The following TMED8 variants were observed in gnomAD, a reference collection of about 807,000 sequenced individuals.
The protein encoded by TMED8 is transmembrane p24 trafficking protein family member 8, also known as protein TMED8.
In TMED8, 15 loss-of-function variants were observed where a neutral mutation model predicts 32.7. The observed-to-expected ratio is 0.46, with a 90% CI of 0.31 to 0.71. The LOEUF (loss-of-function observed/expected upper bound fraction) is 0.71, where lower values mean the gene tolerates loss of function less well. Among genes scored for constraint, TMED8 ranks in the 30% least tolerant of loss-of-function variants. The pLI is 0.06. For missense variants in TMED8, 390 were observed against 423.9 expected (o/e 0.92, Z 0.70); for synonymous variants, 147 against 161.4 (o/e 0.91, Z 0.68).
rs576569154 is a variant in TMED8, at chr14:77,335,489, T to C, written c.*6282A>G. 13 of 152,376 alleles carry C rather than the reference T, an allele frequency of 8.5e-5. No homozygotes were observed. Among genetic ancestry groups the C allele is most frequent in the Admixed American group, 2.6e-4 (4 of 15,304 alleles). 9.4% of individuals were successfully genotyped at this position (152,376 alleles called of 1,614,324 possible). ...TAATGTCTTTGTAGTTGCCAATTGC[T>C]TAAATCTTTACGAAGAAAACATGAT... On this transcript the variant is annotated 3_prime_UTR_variant, in exon 6 of 6. Transcript: ENST00000216468.
At chr14:77,358,418 C>A (rs568463661) in intron 1 of TMED8, among the ~76,000 whole-genome samples, 1 of 151,970 alleles carries the variant, frequency 6.6e-6, no homozygotes, top group Non-Finnish European at 1.5e-5. Context: ...TCTGCCTTAG[C>A]CTCCTGAGTA....
chr14:77,359,804 G>A lies in TMED8; in HGVS notation c.119-8053C>T, dbSNP rs1039289963. On this transcript the variant is annotated intron_variant, in intron 1 of 5. Transcript: ENST00000216468. ...ATTTCAAATGTAATTCACATTCTGT[G>A]GTACAGGATGATATCATCATGGGCA... 16 of 218,292 alleles carry A rather than the reference G, an allele frequency of 7.3e-5. No individual in the cohort carries two copies. In the South Asian group the frequency reaches 7.5e-4, roughly 10 times the overall value. 13.5% of individuals were successfully genotyped at this position (218,292 alleles called of 1,614,324 possible). A position where few individuals can be genotyped will look rare whatever the true frequency, so the allele number is the denominator to read the frequency against.
chr14:77,347,072 A>G (rs1893064941), intron 2 of TMED8, among the ~76,000 whole-genome samples: 1 of 151,732 alleles, frequency 6.6e-6, no homozygotes. Flanking sequence ...ACATCTCCCC[A>G]TCCCACCCCC....
chr14:77,359,960 TC>T (rs1362406479), intron 1 of TMED8: 3 of 159,482 alleles, frequency 1.9e-5, no homozygotes, highest in African/African-American at 7.2e-5. Context: ...AAAGTGGCAT[TC>T]CAAGATTGGA....
At chr14:77,364,177 G>A (rs1893499465) in intron 1 of TMED8, among the ~76,000 whole-genome samples, 1 of 152,134 alleles carries the variant, frequency 6.6e-6, no homozygotes, top group African/African-American at 2.4e-5. Flanking sequence ...ATCTTTTAAT[G>A]CATTAGACCA....
chr14:77,350,313 C>G (rs1256818140), intron 2 of TMED8, among the ~76,000 whole-genome samples: 3 of 152,154 alleles, frequency 2.0e-5, no homozygotes, highest in African/African-American at 4.8e-5. Flanking sequence ...CCACTTCCCC[C>G]ACTAGAACAT....
Position 77,335,474 on chromosome 14 carries a change from G to T in TMED8, c.*6297C>A, listed in dbSNP as rs760834082. 1.3e-5 allele frequency: 2 copies of T among 152,204 alleles called. No homozygotes were observed. 9.4% of individuals were successfully genotyped at this position (152,204 alleles called of 1,614,324 possible). A position where few individuals can be genotyped will look rare whatever the true frequency, so the allele number is the denominator to read the frequency against. ...AGAACAGTAAGAAAATAATGTCTTT[G>T]TAGTTGCCAATTGCTTAAATCTTTA... On this transcript the variant is annotated 3_prime_UTR_variant, in exon 6 of 6. Transcript: ENST00000216468.
At chr14:77,364,139 T>C (rs750590231) in intron 1 of TMED8, among the ~76,000 whole-genome samples, 19 of 152,196 alleles carry the variant, frequency 1.2e-4, no homozygotes, top group Non-Finnish European at 2.4e-4. Context: ...TGAAGAATAG[T>C]ATATTAATTT....
At position 77,346,262 on chromosome 14, in the gene TMED8, G is replaced by A. The variant is rs1046987340; in HGVS notation, c.327+87C>T. 1.7e-5 allele frequency: 24 copies of A among 1,410,474 alleles called. No individual in the cohort carries two copies. The African/African-American group carries it at 1.8e-4, about 11-fold the overall frequency. The allele number at this position is 1,410,474 out of a possible 1,614,324, so 87.4% of individuals were successfully genotyped here. ...AGAGAGAATTCCGGGAGCCACCCTC[G>A]CAGTGCTTTCTAATTCCAACCCAAC... On this transcript the variant is annotated intron_variant, in intron 3 of 5. Transcript: ENST00000216468.
At chr14:77,358,140 A>G (rs1479777837) in intron 1 of TMED8, among the ~76,000 whole-genome samples, 4 of 150,962 alleles carry the variant, frequency 2.6e-5, no homozygotes, top group Non-Finnish European at 4.4e-5. Context: ...AAAAAAAAAA[A>G]AAAAGAAATT....
At chr14:77,368,764 C>G (rs1435791031) in intron 1 of TMED8, among the ~76,000 whole-genome samples, 2 of 152,152 alleles carry the variant, frequency 1.3e-5, no homozygotes, top group Admixed American at 1.3e-4. Context: ...CATGAGCCAC[C>G]AAGCCCAGTC....
intron 1 of TMED8, among the ~76,000 whole-genome samples, chr14:77,375,839 G>A (rs1893802132): frequency 6.6e-6 from 1 of 152,120 alleles, no homozygotes; most frequent in Admixed American, 6.5e-5. Context: ...GTGTACCATG[G>A]ACTATACCCC....
At chr14:77,364,004 C>T (rs1893495461) in intron 1 of TMED8, among the ~76,000 whole-genome samples, 1 of 152,136 alleles carries the variant, frequency 6.6e-6, no homozygotes, top group Non-Finnish European at 1.5e-5. Context: ...AATTTCTGAA[C>T]CAAATTCTCC....
chr14:77,343,414 A>C lies in TMED8; in HGVS notation c.524T>G (p.Leu175Arg), dbSNP rs370199713. ...FAKVKEFKSK[L>R]GKEKNSRLVV... is the part of the protein sequence containing the mutation. ...CAGACGGCTGTTCTTCTCTTTGCCC[A>C]GCTTGCTTTTGAATTCCTTCACCTT... Residue 175 changes from leucine to arginine, a missense_variant, in exon 5 of 6, where the codon CTG becomes CGG. Transcript: ENST00000216468. 1 of 1,613,964 alleles carries C rather than the reference A, an allele frequency of 6.2e-7. No homozygotes were observed. Among genetic ancestry groups the C allele is most frequent in the African/African-American group, 1.3e-5 (1 of 75,040 alleles).
At position 77,336,692 on chromosome 14, in the gene TMED8, TAA is replaced by T. The variant is rs1229318675; in HGVS notation, c.*5077_*5078del. On this transcript the variant is annotated 3_prime_UTR_variant, in exon 6 of 6. Transcript: ENST00000216468. Reference sequence around the variant, plus strand: ...TGTTTTCCCTCGTTGTGATCAATTTTAAAAGACAGTTCTCAAGCAGCACAAAA... The same window carrying T: ...TGTTTTCCCTCGTTGTGATCAATTTTAAGACAGTTCTCAAGCAGCACAAAA... 1 of 151,892 alleles carries T rather than the reference TAA, an allele frequency of 6.6e-6. No individual in the cohort carries two copies. The highest frequency in any genetic ancestry group is 2.4e-5 in the African/African-American group (1 of 41,348). 9.4% of individuals were successfully genotyped at this position (151,892 alleles called of 1,614,324 possible). A position where few individuals can be genotyped will look rare whatever the true frequency, so the allele number is the denominator to read the frequency against.
At position 77,343,805 on chromosome 14, in the gene TMED8, G is replaced by T. The variant is rs1326334260; in HGVS notation, c.346C>A (p.Pro116Thr). ...ATAACGATGTCCCCAGACCTCTGTG[G>T]AACTTGATACTTAGCCATCTGCACA... Reference protein sequence around the residue: ...VLNEMAKYQVPQRSGDIVMIQ... With the variant: ...VLNEMAKYQVTQRSGDIVMIQ... The change falls in exon 4 of 6, where the codon CCA becomes ACA. Residue 116 changes from proline (P) to threonine (T), a missense_variant. By Grantham distance (38) the Pro-to-Thr change is conservative. Coordinates refer to ENST00000216468, the MANE Select transcript of TMED8 (RefSeq NM_213601.3). The T allele has an allele frequency of 1.2e-6, 2 of 1,613,806 alleles. No homozygotes were observed. Among genetic ancestry groups the T allele is most frequent in the Non-Finnish European group, 1.7e-6 (2 of 1,179,844 alleles).
intron 1 of TMED8, among the ~76,000 whole-genome samples, chr14:77,352,417 AAAT>A (rs1428654222): frequency 1.4e-5 from 2 of 147,502 alleles, no homozygotes; most frequent in Non-Finnish European, 3.0e-5. Flanking sequence ...TCCGTCTCAA[AAAT>A]AATAATAATA....
Position 77,341,419 on chromosome 14 carries a change from G to A in TMED8, c.*352C>T, listed in dbSNP as rs772704851. ...TGGCAATAAGGGCTGTGGGAGAGGA[G>A]AGGGCAGCAATCTGAATGATAAACC... is the stretch of plus-strand genomic sequence containing the variant. On this transcript the variant is annotated 3_prime_UTR_variant, in exon 6 of 6. Transcript: ENST00000216468. 1.8e-5 allele frequency: 5 copies of A among 279,898 alleles called. No individual in the cohort carries two copies. Among genetic ancestry groups the A allele is most frequent in the Non-Finnish European group, 2.8e-5 (4 of 143,428 alleles). The allele number at this position is 279,898 out of a possible 1,614,324, so 17.3% of individuals were successfully genotyped here.
chr14:77,341,871 T>C lies in TMED8; in HGVS notation c.878A>G (p.His293Arg). 2 of 1,612,180 alleles carry C rather than the reference T, an allele frequency of 1.2e-6. No homozygotes were observed. Among genetic ancestry groups the C allele is most frequent in the South Asian group, 2.2e-5 (2 of 91,030 alleles). ...GTAGATGCCCTCACCAGGGTAGTCA[T>C]GGCTGCCAGCCTGCACGTCTCGGTG... ...DSHRDVQAGS[H>R]DYPGEGIYLL... The change falls in exon 6 of 6, where the codon CAT becomes CGT. Residue 293 changes from histidine (H) to arginine (R), a missense_variant. Transcript: ENST00000216468.
Sources: gnomAD v4.1 joint callset for allele counts (sites outside exome capture counted in the v4.1 genomes callset) on GRCh38, gnomAD v4.1.1 for gene constraint, MANE v1.5 for transcripts, NCBI Gene and HGNC (gene_info 2026-07-23, HGNC 2026-07-21) for gene names.